Variants in POLA1 observed in about 807,000 individuals in gnomAD.
POLA1 encodes DNA polymerase alpha catalytic subunit.
POLA1 carries 15 observed loss-of-function variants against 124.0 expected under a neutral mutation model. That is an observed-to-expected ratio of 0.12 (90% CI 0.08 to 0.19). The LOEUF (loss-of-function observed/expected upper bound fraction) is 0.19. Ranked by LOEUF, POLA1 falls within the 10% of genes least tolerant of loss-of-function variation. The probability of loss-of-function intolerance (pLI) is 1.00; values close to 1 mark genes in which losing one functional copy is unlikely to be tolerated. For missense variants in POLA1, 886 were observed against 1,103.4 expected, an observed-to-expected ratio of 0.80 and a Z score of 2.79; for synonymous variants, 408 against 389.4, an observed-to-expected ratio of 1.05 and a Z score of -0.56.
chrX:24,754,851 T>C (rs1222258474), intron 26 of POLA1, among the ~76,000 whole-genome samples: 2 of 112,693 alleles, frequency 1.8e-5, no homozygotes, highest in Non-Finnish European at 3.7e-5. Flanking sequence ...ATTTTAAGTA[T>C]ATTCATCTTG....
chrX:24,968,465 C>A (rs1371301310), intron 36 of POLA1, among the ~76,000 whole-genome samples: 3 of 110,674 alleles, frequency 2.7e-5, no homozygotes, highest in Non-Finnish European at 5.7e-5. Flanking sequence ...TTTGGGAGGC[C>A]AAGGCGGGCG....
intron 4 of POLA1, among the ~76,000 whole-genome samples, chrX:24,709,363 G>A (rs1399869682): frequency 2.1e-5 from 2 of 94,919 alleles, no homozygotes; most frequent in Non-Finnish European, 4.2e-5. Flanking sequence ...CCTCCCTCCC[G>A]GACAGCACGG....
intron 26 of POLA1, among the ~76,000 whole-genome samples, chrX:24,773,463 G>A (rs1372946247): frequency 8.9e-6 from 1 of 112,075 alleles, no homozygotes; most frequent in African/African-American, 3.2e-5. Context: ...GAGCAAGGGA[G>A]CTGGAGTGCT....
intron 32 of POLA1, among the ~76,000 whole-genome samples, chrX:24,836,041 G>A (rs1262864261): frequency 9.0e-6 from 1 of 111,411 alleles, no homozygotes; most frequent in Admixed American, 9.6e-5. Context: ...TTCCCAGAAG[G>A]CCCCTCATGT....
intron 36 of POLA1, among the ~76,000 whole-genome samples, chrX:24,966,500 G>GA (rs201481355): frequency 0.039 from 4,334 of 111,898 alleles, 204 homozygotes; most frequent in African/African-American, 0.13. Context: ...AGATTAACAT[G>GA]AAGAATACTT....
At chrX:24,815,758 G>A (rs974176843) in intron 30 of POLA1, among the ~76,000 whole-genome samples, 20 of 111,144 alleles carry the variant, frequency 1.8e-4, no homozygotes, top group Admixed American at 7.6e-4. Context: ...GGTAGATTTC[G>A]TTGTCAAAGT....
chrX:24,969,450 C>T lies in POLA1; in HGVS notation c.4262-26355C>T, dbSNP rs147130820. On this transcript the variant is annotated intron_variant, in intron 36 of 36. Transcript: ENST00000379068. ...TGCAGGGAAAAGGTAAACCAAGATA[C>T]CATGCAATTGTATACCTGGAACAGT... Among the ~76,000 whole-genome samples, 16 of 110,285 alleles carry T rather than the reference C, an allele frequency of 1.5e-4. No individual in the cohort carries two copies. The East Asian group carries it at 4.3e-3, about 30-fold the overall frequency.
At chrX:24,701,640 C>T (rs977347283) in intron 2 of POLA1, among the ~76,000 whole-genome samples, 6 of 110,102 alleles carry the variant, frequency 5.4e-5, no homozygotes, top group African/African-American at 1.7e-4. Flanking sequence ...TTCACCATGT[C>T]GGTCAGGCTG....
At chrX:24,885,698 G>T (rs1287343201) in intron 34 of POLA1, among the ~76,000 whole-genome samples, 8 of 111,337 alleles carry the variant, frequency 7.2e-5, no homozygotes, top group Non-Finnish European at 1.3e-4. Context: ...CTATTTTTTT[G>T]TATTTTTAGT....
chrX:24,717,891 A>G, intron 10 of POLA1, 133 bp downstream of exon 10: 1 of 437,580 alleles, frequency 2.3e-6, no homozygotes, highest in Non-Finnish European at 3.7e-6. Context: ...TTTTTTCTTT[A>G]TCCTTAAATA....
intron 19 of POLA1, among the ~76,000 whole-genome samples, chrX:24,738,770 T>G (rs1931456581): frequency 8.9e-6 from 1 of 112,079 alleles, no homozygotes; most frequent in Non-Finnish European, 1.9e-5. Context: ...AAATCTTATT[T>G]TACTTAAAGC....
In POLA1 at chrX:24,723,234, C is replaced by T. The variant is rs11573338; in HGVS notation, c.1167C>T (p.Ile389=). The T allele has an allele frequency of 3.9e-3, 4,646 of 1,197,226 alleles. 106 individuals are homozygous for T. In the African/African-American group the frequency reaches 0.072, roughly 19 times the overall value. Residue 389 remains isoleucine (I), a synonymous_variant, in exon 11 of 37, where the codon ATC becomes ATT. Coordinates refer to ENST00000379068, the MANE Select transcript of POLA1 (RefSeq NM_001330360.2). ...GCTGTTGTGTCATGGTGAAAAATAT[C>T]GAGCGAACGCTTTACTTCCTTCCCC... ...HVSCCVMVKN[I]ERTLYFLPRE... is the part of the protein sequence containing the mutation.
At chrX:24,764,478 A>C (rs1302798434) in intron 26 of POLA1, among the ~76,000 whole-genome samples, 1 of 112,109 alleles carries the variant, frequency 8.9e-6, no homozygotes, top group Non-Finnish European at 1.9e-5. Flanking sequence ...TTTATGACTG[A>C]TTTAAAACTG....
intron 34 of POLA1, among the ~76,000 whole-genome samples, chrX:24,852,384 C>T (rs1403127509): frequency 9.1e-6 from 1 of 109,887 alleles, no homozygotes; most frequent in East Asian, 2.9e-4. Context: ...GATCTCGGCT[C>T]ACTGTAACTT....
chrX:24,876,822 A>G (rs1381653224), intron 34 of POLA1, among the ~76,000 whole-genome samples: 2 of 111,523 alleles, frequency 1.8e-5, no homozygotes, highest in East Asian at 5.6e-4. Context: ...GTTTCCCCCC[A>G]ATTCTTGTTA....
chrX:24,865,147 G>A (rs1040265899), intron 34 of POLA1, among the ~76,000 whole-genome samples: 2 of 112,017 alleles, frequency 1.8e-5, no homozygotes, highest in Non-Finnish European at 3.8e-5. Flanking sequence ...CCATAAAAGA[G>A]TGGCAATTTG....
chrX:24,694,098 T>C (rs1415159619), intron 1 of POLA1, 94 bp downstream of exon 1: 4 of 893,131 alleles, frequency 4.5e-6, no homozygotes, highest in Non-Finnish European at 6.2e-6. Context: ...CCCGGGTTTG[T>C]TTGGGCGCAG....
intron 36 of POLA1, among the ~76,000 whole-genome samples, chrX:24,933,925 TTGC>T (rs1348517776): frequency 8.9e-6 from 1 of 112,568 alleles, no homozygotes; most frequent in Non-Finnish European, 1.9e-5. Context: ...TACTGCATAT[TTGC>T]TGTAACTGCA....
In POLA1 at chrX:24,991,042, G is replaced by A. The variant is rs182384229; in HGVS notation, c.4262-4763G>A. On this transcript the variant is annotated intron_variant, in intron 36 of 36. Coordinates refer to ENST00000379068, the MANE Select transcript of POLA1 (RefSeq NM_001330360.2). ...AGTAATAGGTTCTTGGAATTACAGCGTGCCTTGCTTTTTTCTTAGAACTTT... is the reference window on the plus strand; with the variant it reads ...AGTAATAGGTTCTTGGAATTACAGCATGCCTTGCTTTTTTCTTAGAACTTT... Among the ~76,000 whole-genome samples, 7 of 111,957 alleles carry A rather than the reference G, an allele frequency of 6.3e-5. No homozygotes were observed. The East Asian group carries it at 8.4e-4, about 13-fold the overall frequency.
Sources: gnomAD v4.1 joint callset for allele counts (sites outside exome capture counted in the v4.1 genomes callset) on GRCh38, gnomAD v4.1.1 for gene constraint, MANE v1.5 for transcripts, NCBI Gene and HGNC (gene_info 2026-07-23, HGNC 2026-07-21) for gene names.